KAZN: variants seen among roughly 807,000 people sequenced by gnomAD.
KAZN encodes the protein kazrin.
A neutral mutation model predicts 87.4 loss-of-function variants in KAZN; 40 were observed. The ratio of observed to expected loss-of-function variants is 0.46; its 90% confidence interval spans 0.36 to 0.60. The LOEUF (loss-of-function observed/expected upper bound fraction) is 0.60, where lower values mean the gene tolerates loss of function less well. Among genes scored for constraint, KAZN ranks in the 20% least tolerant of loss-of-function variants. The probability of loss-of-function intolerance (pLI) is 0.00; values close to 1 mark genes in which losing one functional copy is unlikely to be tolerated. For missense variants in KAZN, 898 were observed against 1,073.9 expected, an observed-to-expected ratio of 0.84 and a Z score of 2.29; for synonymous variants, 466 against 458.3, an observed-to-expected ratio of 1.02 and a Z score of -0.22.
intron 2 of KAZN, among the ~76,000 whole-genome samples, chr1:14,545,942 A>G (rs774320572): frequency 1.1e-4 from 16 of 152,136 alleles, no homozygotes; most frequent in Admixed American, 2.6e-4. Context: ...TGATCCTACC[A>G]TGTCCCTACC....
At chr1:14,759,111 T>C (rs1212036088) in intron 1 of KAZN, among the ~76,000 whole-genome samples, 1 of 152,182 alleles carries the variant, frequency 6.6e-6, no homozygotes, top group African/African-American at 2.4e-5. Flanking sequence ...GGCTTTGGCC[T>C]AGTTGAGTCT....
chr1:15,055,542 A>T (rs982449865), intron 4 of KAZN, among the ~76,000 whole-genome samples: 3 of 151,918 alleles, frequency 2.0e-5, no homozygotes, highest in African/African-American at 7.3e-5. Context: ...TTGGTGGGTA[A>T]CCCCCAGGTT....
intron 2 of KAZN, among the ~76,000 whole-genome samples, chr1:14,215,111 A>G (rs1215858095): frequency 1.3e-5 from 2 of 152,214 alleles, no homozygotes; most frequent in Non-Finnish European, 2.9e-5. Flanking sequence ...TACATTAAGC[A>G]TTTATCAAAA....
At chr1:14,650,394 A>G (rs949540219) in intron 1 of KAZN, among the ~76,000 whole-genome samples, 8 of 152,154 alleles carry the variant, frequency 5.3e-5, no homozygotes, top group African/African-American at 1.7e-4. Context: ...ACCTCTACTA[A>G]AAATTAAAAA....
intron 1 of KAZN, among the ~76,000 whole-genome samples, chr1:13,920,168 T>C (rs947767499): frequency 6.8e-6 from 1 of 147,104 alleles, no homozygotes; most frequent in Non-Finnish European, 1.5e-5. Context: ...AAGAATCACT[T>C]GAACCAGGGA....
intron 1 of KAZN, among the ~76,000 whole-genome samples, chr1:14,059,017 C>T (rs965551299): frequency 2.0e-5 from 3 of 152,182 alleles, no homozygotes; most frequent in African/African-American, 7.2e-5. Flanking sequence ...GAAGGAAGGA[C>T]AGAATTTGCA....
intron 1 of KAZN, among the ~76,000 whole-genome samples, chr1:13,945,651 ATT>A (rs1347920167): frequency 1.4e-5 from 2 of 143,916 alleles, no homozygotes; most frequent in South Asian, 4.5e-4. Flanking sequence ...CCATAGGATG[ATT>A]TTTTTAAATG....
At chr1:14,590,848 G>A (rs1204522819) in intron 2 of KAZN, among the ~76,000 whole-genome samples, 1 of 152,188 alleles carries the variant, frequency 6.6e-6, no homozygotes, top group East Asian at 1.9e-4. Context: ...TTCCCAGTGA[G>A]GAAGTTGAGA....
intron 1 of KAZN, among the ~76,000 whole-genome samples, chr1:14,915,091 G>A (rs1031196266): frequency 6.6e-6 from 1 of 152,206 alleles, no homozygotes; most frequent in Non-Finnish European, 1.5e-5. Flanking sequence ...GGAGGCTGAG[G>A]CAGGAGAATT....
chr1:14,161,786 C>G (rs1454243479), intron 1 of KAZN, among the ~76,000 whole-genome samples: 1 of 152,130 alleles, frequency 6.6e-6, no homozygotes, highest in East Asian at 1.9e-4. Flanking sequence ...TCCAAACCCC[C>G]CAAAATCTCA....
chr1:14,835,217 G>A (rs1027792527), intron 1 of KAZN, among the ~76,000 whole-genome samples: 1 of 152,126 alleles, frequency 6.6e-6, no homozygotes, highest in Non-Finnish European at 1.5e-5. Flanking sequence ...TTTGCCCTGT[G>A]GTCACCAAAG....
chr1:14,810,913 C>T (rs531477056), intron 1 of KAZN, among the ~76,000 whole-genome samples: 13 of 152,348 alleles, frequency 8.5e-5, no homozygotes, highest in African/African-American at 2.4e-4. Flanking sequence ...CTGCCTGGAG[C>T]ACCATGGCCA....
In KAZN at chr1:15,066,584, GTTTCA is replaced by G. The variant is rs1639243563; in HGVS notation, c.1222+835_1222+839del. The stretch of plus-strand genomic sequence containing the variant: ...TGAAAAAAAAGAAAAAAAGAAAATT[GTTTCA>G]TTTAATTTATTTGCACAAATGCTGA... On this transcript the variant is annotated intron_variant, in intron 8 of 14. Coordinates refer to ENST00000376030, the MANE Select transcript of KAZN (RefSeq NM_201628.3). This position sits in a 1 kb window ranked among gnomAD's most constrained non-coding sequence, Gnocchi z 4.3. 2.0e-6 allele frequency: 2 copies of G among 982,954 alleles called. No individual in the cohort carries two copies. The highest frequency in any genetic ancestry group is 1.8e-5 in the African/African-American group (1 of 57,140). The allele number at this position is 982,954 out of a possible 1,614,324, so 60.9% of individuals were successfully genotyped here.
intron 2 of KAZN, among the ~76,000 whole-genome samples, chr1:15,028,793 C>T (rs1401033528): frequency 4.6e-5 from 7 of 152,128 alleles, no homozygotes; most frequent in Admixed American, 1.3e-4. Flanking sequence ...GAGGAGCGCC[C>T]GTGGAAAAGA....
intron 1 of KAZN, among the ~76,000 whole-genome samples, chr1:14,132,463 G>A (rs930687828): frequency 2.0e-5 from 3 of 152,200 alleles, no homozygotes; most frequent in Admixed American, 2.0e-4. Flanking sequence ...CCTGTGGCCT[G>A]AGCATGCATT....
chr1:14,400,660 T>C (rs1288611732), intron 2 of KAZN, among the ~76,000 whole-genome samples: 2 of 152,176 alleles, frequency 1.3e-5, no homozygotes, highest in Admixed American at 1.3e-4. Context: ...GTAATAAGTA[T>C]GTAATGTGGA....
At chr1:14,282,561 A>G (rs1468121426) in intron 2 of KAZN, among the ~76,000 whole-genome samples, 2 of 152,170 alleles carry the variant, frequency 1.3e-5, no homozygotes, top group South Asian at 2.1e-4. Flanking sequence ...CAAGACATTG[A>G]TGCCCCCCTT....
intron 1 of KAZN, among the ~76,000 whole-genome samples, chr1:14,144,606 G>T (rs541420372): frequency 6.6e-6 from 1 of 152,168 alleles, no homozygotes; most frequent in East Asian, 1.9e-4. Flanking sequence ...AGTCCATTTT[G>T]TGTTGCTATA....
intron 1 of KAZN, among the ~76,000 whole-genome samples, chr1:14,932,881 C>T (rs539489766): frequency 5.9e-5 from 9 of 152,058 alleles, no homozygotes; most frequent in Admixed American, 5.2e-4. Flanking sequence ...TGGCATTAAG[C>T]GCATTTACAG....
Sources: gnomAD v4.1 joint callset for allele counts (sites outside exome capture counted in the v4.1 genomes callset) on GRCh38, gnomAD v4.1.1 for gene constraint, Gnocchi (gnomAD v3.1) non-coding constraint, MANE v1.5 for transcripts, NCBI Gene and HGNC (gene_info 2026-07-23, HGNC 2026-07-21) for gene names.